PAK5: variants seen among roughly 807,000 people sequenced by gnomAD.
PAK5 encodes p21 (RAC1) activated kinase 5.
In PAK5, 16 loss-of-function variants were observed where a neutral mutation model predicts 65.9. That is an observed-to-expected ratio of 0.24 (90% CI 0.16 to 0.37). PAK5 has a LOEUF of 0.37. PAK5 is among the 10% of genes least tolerant of loss of function. PAK5 has a pLI of 1.00. For missense variants in PAK5, 785 were observed against 903.9 expected, an observed-to-expected ratio of 0.87 and a Z score of 1.69; for synonymous variants, 371 against 354.9, an observed-to-expected ratio of 1.05 and a Z score of -0.51.
intron 7 of PAK5, among the ~76,000 whole-genome samples, chr20:9,548,334 T>C (rs995642206): frequency 6.6e-6 from 1 of 152,084 alleles, no homozygotes; most frequent in Non-Finnish European, 1.5e-5. Flanking sequence ...TCTAACATCC[T>C]CCAGAATTCT....
chr20:9,816,502 T>C (rs139918497), intron 1 of PAK5, among the ~76,000 whole-genome samples: 1,903 of 152,266 alleles, frequency 0.012, 34 homozygotes, highest in African/African-American at 0.039. Context: ...TGAGTGGGCA[T>C]TATCCAATCC....
At chr20:9,579,015 C>T (rs555073768) in intron 4 of PAK5, among the ~76,000 whole-genome samples, 1 of 152,166 alleles carries the variant, frequency 6.6e-6, no homozygotes, top group Non-Finnish European at 1.5e-5. Context: ...GAAGTAACTC[C>T]AACAATACAC....
At chr20:9,800,452 T>A (rs990035977) in intron 1 of PAK5, among the ~76,000 whole-genome samples, 1 of 152,158 alleles carries the variant, frequency 6.6e-6, no homozygotes, top group African/African-American at 2.4e-5. Flanking sequence ...CTATTTGAAC[T>A]TCATGCCTGT....
intron 7 of PAK5, among the ~76,000 whole-genome samples, chr20:9,551,863 C>T (rs929307298): frequency 1.3e-5 from 2 of 152,244 alleles, no homozygotes; most frequent in Non-Finnish European, 2.9e-5. Flanking sequence ...GGTTCTGATG[C>T]TCAGTAAAGT....
chr20:9,643,657 T>C (rs2047096749), intron 3 of PAK5, among the ~76,000 whole-genome samples: 1 of 152,148 alleles, frequency 6.6e-6, no homozygotes. Flanking sequence ...TGCCTAAATA[T>C]GCATATGTAT....
At chr20:9,604,832 T>C (rs6140980) in intron 3 of PAK5, among the ~76,000 whole-genome samples, 13,039 of 152,226 alleles carry the variant, frequency 0.086, 692 homozygotes, top group East Asian at 0.21. Flanking sequence ...AGGCATTCTA[T>C]GGCAGGGAGG....
chr20:9,826,524 A>T (rs764093202), intron 1 of PAK5, among the ~76,000 whole-genome samples: 1 of 152,168 alleles, frequency 6.6e-6, no homozygotes, highest in African/African-American at 2.4e-5. Context: ...CTGCTGTCAT[A>T]GATAGTATCC....
intron 1 of PAK5, among the ~76,000 whole-genome samples, chr20:9,722,453 C>T (rs2048226832): frequency 6.6e-6 from 1 of 151,526 alleles, no homozygotes; most frequent in Non-Finnish European, 1.5e-5. Flanking sequence ...TCTACTAAAA[C>T]TACAAAAAAT....
chr20:9,575,402 A>G (rs1400666663), intron 4 of PAK5, among the ~76,000 whole-genome samples: 1 of 152,200 alleles, frequency 6.6e-6, no homozygotes. Context: ...TGATGCACAG[A>G]GAAGATCATA....
chr20:9,552,889 T>C (rs1261595005), intron 7 of PAK5, among the ~76,000 whole-genome samples: 1 of 151,836 alleles, frequency 6.6e-6, no homozygotes, highest in Non-Finnish European at 1.5e-5. Flanking sequence ...TCCAGCTAAT[T>C]TTTTAGTTTT....
At chr20:9,578,503 C>A (rs6039510) in intron 4 of PAK5, among the ~76,000 whole-genome samples, 42,387 of 151,822 alleles carry the variant, frequency 0.28, 6,248 homozygotes, top group African/African-American at 0.37. Flanking sequence ...ATCATCTGGG[C>A]AATGTTTTCT....
chr20:9,825,411 G>A lies in PAK5; in HGVS notation c.-162+13351C>T, dbSNP rs376015976. Among the ~76,000 whole-genome samples the A allele has an allele frequency of 5.3e-5, 8 of 152,286 alleles. No individual in the cohort carries two copies. In the South Asian group the frequency reaches 1.7e-3, roughly 32 times the overall value. ...GATTTTTCCAGCCATTCTACAGAAT[G>A]CATATCATTTATAAGGTTCTACTTC... On this transcript the variant is annotated intron_variant, in intron 1 of 9. Coordinates refer to ENST00000353224, the MANE Select transcript of PAK5 (RefSeq NM_177990.4).
chr20:9,779,663 C>A (rs985983224), intron 1 of PAK5, among the ~76,000 whole-genome samples: 1 of 151,728 alleles, frequency 6.6e-6, no homozygotes, highest in Admixed American at 6.6e-5. Flanking sequence ...TACATAATTC[C>A]TTCTAATTAT....
chr20:9,714,473 A>G (rs1025735754), intron 1 of PAK5, among the ~76,000 whole-genome samples: 1 of 152,106 alleles, frequency 6.6e-6, no homozygotes, highest in African/African-American at 2.4e-5. Flanking sequence ...TTACATGGCT[A>G]TTTTCCAGTG....
At chr20:9,669,677 T>A (rs1407563240) in intron 2 of PAK5, among the ~76,000 whole-genome samples, 1 of 152,162 alleles carries the variant, frequency 6.6e-6, no homozygotes, top group Non-Finnish European at 1.5e-5. Context: ...CAATTTTGCT[T>A]TCTAATTTAC....
chr20:9,825,897 C>T (rs1026181575), intron 1 of PAK5, among the ~76,000 whole-genome samples: 1 of 152,050 alleles, frequency 6.6e-6, no homozygotes. Context: ...AAATATAGAG[C>T]AATTCAAAGG....
chr20:9,651,755 C>T (rs755672092), intron 2 of PAK5, among the ~76,000 whole-genome samples: 8 of 152,042 alleles, frequency 5.3e-5, no homozygotes, highest in South Asian at 4.2e-4. Flanking sequence ...GGGTGGGGCA[C>T]GCACAGGATG....
intron 2 of PAK5, among the ~76,000 whole-genome samples, chr20:9,685,361 G>A (rs2047704039): frequency 6.6e-6 from 1 of 152,150 alleles, no homozygotes; most frequent in Admixed American, 6.5e-5. Flanking sequence ...GTTTAGATGA[G>A]GTTATTAGGT....
chr20:9,822,084 T>A (rs1310675150), intron 1 of PAK5, among the ~76,000 whole-genome samples: 1 of 151,566 alleles, frequency 6.6e-6, no homozygotes, highest in Non-Finnish European at 1.5e-5. Context: ...AGCTCAGGAG[T>A]TCGAGACCAG....
Sources: allele counts gnomAD v4.1 joint callset (sites outside exome capture counted in the v4.1 genomes callset), GRCh38; gene constraint gnomAD v4.1.1; transcripts MANE v1.5; gene names NCBI Gene and HGNC (gene_info 2026-07-23, HGNC 2026-07-21).